Variants in GREM2 observed in about 807,000 individuals in gnomAD.
GREM2 encodes gremlin-2.
GREM2 carries 11 observed loss-of-function variants against 14.2 expected under a neutral mutation model. The ratio of observed to expected loss-of-function variants is 0.78; its 90% CI spans 0.49 to 1.28. The LOEUF (loss-of-function observed/expected upper bound fraction) is 1.28. GREM2 is among the 50% of genes most tolerant of loss of function. GREM2 has a pLI of 0.00. For synonymous variants in GREM2, 98 were observed against 97.6 expected (o/e 1.00, Z -0.02); for missense variants, 210 against 218.5 (o/e 0.96, Z 0.24).
intron 1 of GREM2, among the ~76,000 whole-genome samples, chr1:240,605,370 C>T (rs528750356): frequency 6.6e-6 from 1 of 152,110 alleles, no homozygotes; most frequent in African/African-American, 2.4e-5. Context: ...TCAGCTACTT[C>T]GGAGGCTGAG....
intron 1 of GREM2, among the ~76,000 whole-genome samples, chr1:240,571,655 A>G (rs1159774776): frequency 6.6e-6 from 1 of 152,138 alleles, no homozygotes; most frequent in African/African-American, 2.4e-5. Flanking sequence ...CCAAGATGGC[A>G]CCATTGCACT....
chr1:240,537,715 G>A (rs1188327714), intron 1 of GREM2, among the ~76,000 whole-genome samples: 2 of 152,126 alleles, frequency 1.3e-5, no homozygotes, highest in African/African-American at 4.8e-5. Flanking sequence ...AATCCAGGAG[G>A]CGGAGGTTGC....
intron 1 of GREM2, among the ~76,000 whole-genome samples, chr1:240,522,616 C>G (rs1678126273): frequency 6.6e-6 from 1 of 152,066 alleles, no homozygotes; most frequent in Non-Finnish European, 1.5e-5. Flanking sequence ...TGCCCTTGCC[C>G]CTGAGAAAAC....
chr1:240,539,247 G>A (rs999679741), intron 1 of GREM2, among the ~76,000 whole-genome samples: 5 of 152,072 alleles, frequency 3.3e-5, no homozygotes, highest in Non-Finnish European at 7.4e-5. Flanking sequence ...ACCCTGCCTC[G>A]CTGCAGTTAT....
chr1:240,512,504 C>CAG, intron 1 of GREM2, among the ~76,000 whole-genome samples: 3 of 136,560 alleles, frequency 2.2e-5, no homozygotes, highest in Admixed American at 7.4e-5. Flanking sequence ...TCATCTTGAT[C>CAG]TCACACATGA....
At chr1:240,532,223 A>G (rs1286325951) in intron 1 of GREM2, among the ~76,000 whole-genome samples, 1 of 152,066 alleles carries the variant, frequency 6.6e-6, no homozygotes, top group Non-Finnish European at 1.5e-5. Flanking sequence ...AGCTGGGATT[A>G]TAGGTGCACG....
chr1:240,603,465 C>CTCTCCCATCCA (rs545104003), intron 1 of GREM2, among the ~76,000 whole-genome samples: 195 of 151,930 alleles, frequency 1.3e-3, no homozygotes, highest in African/African-American at 4.0e-3. Context: ...GGCATGGCTC[C>CTCTCCCATCCA]TCTCCCATCC....
chr1:240,572,051 C>T (rs1679272850), intron 1 of GREM2, among the ~76,000 whole-genome samples: 1 of 152,164 alleles, frequency 6.6e-6, no homozygotes, highest in Non-Finnish European at 1.5e-5. Flanking sequence ...ATTTTGGCAC[C>T]TTTTGATCCA....
intron 1 of GREM2, among the ~76,000 whole-genome samples, chr1:240,508,608 C>T (rs1677731912): frequency 6.6e-6 from 1 of 152,190 alleles, no homozygotes; most frequent in South Asian, 2.1e-4. Flanking sequence ...ACCAGTTATA[C>T]CTTAAGCCAA....
intron 1 of GREM2, among the ~76,000 whole-genome samples, chr1:240,536,424 T>C (rs1678470730): frequency 6.6e-6 from 1 of 152,186 alleles, no homozygotes; most frequent in African/African-American, 2.4e-5. Context: ...AAAGAAAATG[T>C]GCAGGGATGG....
chr1:240,541,003 T>A (rs1237154695), intron 1 of GREM2, among the ~76,000 whole-genome samples: 1 of 152,186 alleles, frequency 6.6e-6, no homozygotes, highest in East Asian at 1.9e-4. Flanking sequence ...GCTTTCCAGA[T>A]TGAAAGAATC....
intron 1 of GREM2, among the ~76,000 whole-genome samples, chr1:240,507,425 G>A (rs1423998638): frequency 1.3e-5 from 2 of 152,024 alleles, no homozygotes; most frequent in Admixed American, 1.3e-4. Context: ...CCGCCTCCTG[G>A]GTTCAAGCGA....
chr1:240,575,220 G>T (rs1679338325), intron 1 of GREM2, among the ~76,000 whole-genome samples: 1 of 152,114 alleles, frequency 6.6e-6, no homozygotes, highest in Non-Finnish European at 1.5e-5. Flanking sequence ...TTATTTAACT[G>T]TGATAGTATT....
rs1157411410 is a variant in GREM2 at position 240,548,890 on chromosome 1, A to T, written c.-1-55414T>A. Among the ~76,000 whole-genome samples the T allele has an allele frequency of 7.8e-4, 118 of 152,216 alleles. 2 individuals are homozygous for T. Among genetic ancestry groups the T allele is most frequent in the South Asian group, 6.2e-4 (3 of 4,830 alleles). ...GGTCCATGTAGAAGCCTAGAAACTAAATAAAGAAACGGATTTTAGGAGAAG... is the reference window on the plus strand; with the variant it reads ...GGTCCATGTAGAAGCCTAGAAACTATATAAAGAAACGGATTTTAGGAGAAG... On this transcript the variant is annotated intron_variant, in intron 1 of 1. Coordinates refer to ENST00000318160, the MANE Select transcript of GREM2 (RefSeq NM_022469.4).
rs138141998 is a variant in GREM2 at position 240,580,971 on chromosome 1, C to T, written c.-2+30913G>A. 1.9e-3 allele frequency among the ~76,000 whole-genome samples: 293 copies of T among 152,146 alleles called. 1 individual carries two copies. The highest frequency in any genetic ancestry group is 6.8e-3 in the African/African-American group (283 of 41,514). ...TTGTTAGTTAAGAGCATAAACTCAG[C>T]CGCGCCAGTGGCTCACACCTGTAAT... On this transcript the variant is annotated intron_variant, in intron 1 of 1. Coordinates refer to ENST00000318160, the MANE Select transcript of GREM2 (RefSeq NM_022469.4).
chr1:240,566,452 A>T (rs1362443611), intron 1 of GREM2, among the ~76,000 whole-genome samples: 1 of 151,404 alleles, frequency 6.6e-6, no homozygotes, highest in Non-Finnish European at 1.5e-5. Flanking sequence ...CACTGCAGGG[A>T]GGGGAAACTG....
rs1365770665 is a variant in GREM2, at chr1:240,608,034, CAA to C, written c.-2+3848_-2+3849del. ...TAATTGTTATTATCTTATAATTATACAAAGAGACTCAATAGATATCTGTTGAA... is the reference window on the plus strand; with the variant it reads ...TAATTGTTATTATCTTATAATTATACAGAGACTCAATAGATATCTGTTGAA... On this transcript the variant is annotated intron_variant, in intron 1 of 1. Coordinates refer to ENST00000318160, the MANE Select transcript of GREM2 (RefSeq NM_022469.4). Among the ~76,000 whole-genome samples the C allele has an allele frequency of 2.6e-5, 4 of 152,238 alleles. No homozygotes were observed. In the East Asian group the frequency reaches 7.7e-4, roughly 29 times the overall value.
intron 1 of GREM2, among the ~76,000 whole-genome samples, chr1:240,516,117 C>T (rs1438411487): frequency 7.5e-6 from 1 of 133,978 alleles, no homozygotes; most frequent in Non-Finnish European, 1.5e-5. Context: ...TGAGTTCTCT[C>T]CAACCCTGAC....
rs201794853 is a variant in GREM2, at chr1:240,542,485, C to A, written c.-1-49009G>T. Among the ~76,000 whole-genome samples, 3 of 150,162 alleles carry A rather than the reference C, an allele frequency of 2.0e-5. No individual in the cohort carries two copies. Among genetic ancestry groups the A allele is most frequent in the African/African-American group, 7.3e-5 (3 of 40,878 alleles). ...AAAAAATTAGCTGGGTGTGGTGGTG[C>A]GCACCTGTAGTCCCAGCTACTCGGG... On this transcript the variant is annotated intron_variant, in intron 1 of 1. Coordinates refer to ENST00000318160, the MANE Select transcript of GREM2 (RefSeq NM_022469.4). The surrounding 1 kb of genome is among the most constrained non-coding windows in gnomAD (Gnocchi z 4.1).
Sources: allele counts gnomAD v4.1 joint callset (sites outside exome capture counted in the v4.1 genomes callset), GRCh38; gene constraint gnomAD v4.1.1; non-coding constraint Gnocchi (gnomAD v3.1); transcripts MANE v1.5; gene names NCBI Gene and HGNC (gene_info 2026-07-23, HGNC 2026-07-21).